MSH3: variants seen among roughly 807,000 people sequenced by gnomAD.
MSH3 encodes the protein DNA mismatch repair protein Msh3.
MSH3 carries 106 observed loss-of-function variants against 123.3 expected under a neutral mutation model. That is an observed-to-expected ratio of 0.86 (90% CI 0.73 to 1.01). The LOEUF (loss-of-function observed/expected upper bound fraction) is 1.01. MSH3 is among the 50% of genes least tolerant of loss of function. MSH3 has a pLI of 0.00. For synonymous variants in MSH3, 515 were observed against 481.4 expected (o/e 1.07, Z -0.91); for missense variants, 1,459 against 1,347.6 (o/e 1.08, Z -1.29).
chr5:80,701,869 C>T (rs1174359485), intron 8 of MSH3, among the ~76,000 whole-genome samples: 2 of 152,080 alleles, frequency 1.3e-5, no homozygotes, highest in Non-Finnish European at 2.9e-5. Context: ...CTTCCTCCTG[C>T]CAGCTTTTTT....
chr5:80,756,222 G>T (rs1743923125), intron 12 of MSH3, among the ~76,000 whole-genome samples: 1 of 151,892 alleles, frequency 6.6e-6, no homozygotes, highest in African/African-American at 2.4e-5. Flanking sequence ...AATAAGAATG[G>T]ATCTTATACT....
At chr5:80,836,712 C>CTCCAGG (rs1745521797) in intron 20 of MSH3, among the ~76,000 whole-genome samples, 1 of 149,918 alleles carries the variant, frequency 6.7e-6, no homozygotes, top group South Asian at 2.1e-4. Flanking sequence ...TTTAAATCAT[C>CTCCAGG]TCCAGGTTAC....
At chr5:80,691,597 A>G (rs567203280) in intron 8 of MSH3, among the ~76,000 whole-genome samples, 13 of 150,806 alleles carry the variant, frequency 8.6e-5, no homozygotes, top group African/African-American at 3.1e-4. Context: ...TTTCAGTGCA[A>G]TTCTAATCAA....
At chr5:80,748,018 C>G (rs1334901695) in intron 12 of MSH3, among the ~76,000 whole-genome samples, 1 of 152,134 alleles carries the variant, frequency 6.6e-6, no homozygotes, top group Admixed American at 6.5e-5. Context: ...AGTGGCTCAT[C>G]CAGACAAATA....
rs562978377 is a variant in MSH3, at chr5:80,813,794, A to G, written c.2813+53A>G. On this transcript the variant is annotated intron_variant, in intron 20 of 23. Coordinates refer to ENST00000265081, the MANE Select transcript of MSH3 (RefSeq NM_002439.5). ...ATTCTTGAAAATAAGTCAAGCCCAC[A>G]TTATCGCATGAATTTTCCTTTTGTG... 16 of 1,582,192 alleles carry G rather than the reference A, an allele frequency of 1.0e-5. No homozygotes were observed. The South Asian group carries it at 1.5e-4, about 15-fold the overall frequency.
At position 80,698,964 on chromosome 5, in the gene MSH3, TAAATAAA is replaced by T. The variant is rs138296988; in HGVS notation, c.1340+19881_1340+19887del. ...TTAAAGTATAATAAAAATATACAAATAAATAAAAAATAAAAAGAGAATCAAGAGTGAA... is the reference window on the plus strand; with the variant it reads ...TTAAAGTATAATAAAAATATACAAATAAATAAAAAGAGAATCAAGAGTGAA... On this transcript the variant is annotated intron_variant, in intron 8 of 23. Coordinates refer to ENST00000265081, the MANE Select transcript of MSH3 (RefSeq NM_002439.5). Among the ~76,000 whole-genome samples, 1,165 of 151,926 alleles carry T rather than the reference TAAATAAA, an allele frequency of 7.7e-3. 42 individuals are homozygous for T. Among genetic ancestry groups the T allele is most frequent in the Admixed American group, 0.053 (805 of 15,242 alleles).
At chr5:80,747,276 T>C (rs1743739180) in intron 12 of MSH3, among the ~76,000 whole-genome samples, 1 of 152,158 alleles carries the variant, frequency 6.6e-6, no homozygotes, top group Non-Finnish European at 1.5e-5. Flanking sequence ...CAATGTTAAA[T>C]TTCCTTTTTT....
intron 21 of MSH3, among the ~76,000 whole-genome samples, chr5:80,862,159 G>A (rs543188612): frequency 8.5e-5 from 13 of 152,228 alleles, no homozygotes; most frequent in Non-Finnish European, 1.3e-4. Context: ...AGGTCTTCCG[G>A]CTAAAAGTGC....
In MSH3 at chr5:80,672,747, G is replaced by A. The variant is rs1580552222; in HGVS notation, c.916G>A (p.Val306Ile). Reference protein sequence around the residue: ...RLVAKGYKVGVVKQTETAALK... With the variant: ...RLVAKGYKVGIVKQTETAALK... ...TTTCTTATTTTTGTTGAAGGTGGGA[G>A]TTGTGAAGCAAACTGAAACTGCAGC... Residue 306 changes from valine (V) to isoleucine (I), a missense_variant, in exon 6 of 24, where the codon GTT becomes ATT. By Grantham distance (29) the Val-to-Ile change is conservative (BLOSUM62 3). Transcript: ENST00000265081. 2 of 1,613,138 alleles carry A rather than the reference G, an allele frequency of 1.2e-6. No homozygotes were observed. Among genetic ancestry groups the A allele is most frequent in the Non-Finnish European group, 1.7e-6 (2 of 1,179,138 alleles).
chr5:80,800,639 A>C (rs538520716), intron 19 of MSH3, among the ~76,000 whole-genome samples: 102 of 152,344 alleles, frequency 6.7e-4, no homozygotes, highest in Non-Finnish European at 1.2e-3. Flanking sequence ...AGATTTTTAT[A>C]GAGAAAGCAA....
intron 12 of MSH3, among the ~76,000 whole-genome samples, chr5:80,748,725 CACACA>C (rs1561465043): frequency 8.6e-6 from 1 of 115,680 alleles, no homozygotes; most frequent in Non-Finnish European, 1.9e-5. Flanking sequence ...CACACACACA[CACACA>C]CACCCATATG....
At chr5:80,728,439 A>G (rs1420698921) in intron 9 of MSH3, among the ~76,000 whole-genome samples, 1 of 152,186 alleles carries the variant, frequency 6.6e-6, no homozygotes, top group Admixed American at 6.5e-5. Flanking sequence ...TTATTTAAGT[A>G]CTACGCTGTT....
intron 21 of MSH3, among the ~76,000 whole-genome samples, chr5:80,856,447 A>G (rs1431418695): frequency 6.6e-6 from 1 of 150,896 alleles, no homozygotes; most frequent in African/African-American, 2.4e-5. Flanking sequence ...AAACTATCGC[A>G]AGGACAAAAA....
chr5:80,846,160 T>G (rs950124511), intron 20 of MSH3, among the ~76,000 whole-genome samples: 1 of 152,184 alleles, frequency 6.6e-6, no homozygotes, highest in African/African-American at 2.4e-5. Context: ...AACAGGCCCC[T>G]TAACTGCAGG....
intron 21 of MSH3, among the ~76,000 whole-genome samples, chr5:80,856,976 C>T (rs1745931689): frequency 6.6e-6 from 1 of 152,084 alleles, no homozygotes; most frequent in Non-Finnish European, 1.5e-5. Context: ...TGCCTTGTTT[C>T]TGATCTTAGT....
chr5:80,756,130 T>A (rs544706860), intron 12 of MSH3, among the ~76,000 whole-genome samples: 86 of 152,226 alleles, frequency 5.6e-4, no homozygotes, highest in African/African-American at 2.0e-3. Flanking sequence ...TCTTTAAGAC[T>A]GAATGGACTA....
intron 20 of MSH3, among the ~76,000 whole-genome samples, chr5:80,826,477 C>G (rs1745300851): frequency 6.6e-6 from 1 of 151,730 alleles, no homozygotes; most frequent in African/African-American, 2.4e-5. Context: ...TGAGTGCCCA[C>G]TATGTGCTAT....
intron 19 of MSH3, among the ~76,000 whole-genome samples, chr5:80,807,988 G>A (rs2112046006): frequency 6.6e-6 from 1 of 152,250 alleles, no homozygotes; most frequent in South Asian, 2.1e-4. Flanking sequence ...CATTATTTGA[G>A]GACCTGCTGT....
chr5:80,792,098 A>G (rs1010215717), intron 18 of MSH3, among the ~76,000 whole-genome samples: 4 of 152,252 alleles, frequency 2.6e-5, no homozygotes, highest in African/African-American at 4.8e-5. Context: ...AGTCCAACAC[A>G]TAGTTTATAT....
Sources: allele counts gnomAD v4.1 joint callset (sites outside exome capture counted in the v4.1 genomes callset), GRCh38; gene constraint gnomAD v4.1.1; transcripts MANE v1.5; gene names NCBI Gene and HGNC (gene_info 2026-07-23, HGNC 2026-07-21).